Variants in HDHD2 observed in about 807,000 individuals in gnomAD.
HDHD2 encodes the protein haloacid dehalogenase-like hydrolase domain-containing protein 2.
HDHD2 carries 26 observed loss-of-function variants against 24.8 expected under a neutral mutation model. The observed-to-expected ratio is 1.05, with a 90% CI of 0.77 to 1.45. The LOEUF (loss-of-function observed/expected upper bound fraction) is 1.45. Among genes scored for constraint, HDHD2 ranks in the 40% most tolerant of loss-of-function variants. The pLI, the probability that HDHD2 is intolerant of heterozygous loss-of-function variation, is 0.00. For synonymous variants in HDHD2, 128 were observed against 114.9 expected, an observed-to-expected ratio of 1.11 and a Z score of -0.73; for missense variants, 299 against 313.4, an observed-to-expected ratio of 0.95 and a Z score of 0.35.
chr18:47,136,307 T>C (rs373967395), intron 2 of HDHD2, 32 bp downstream of exon 2: 3 of 1,612,754 alleles, frequency 1.9e-6, no homozygotes, highest in Non-Finnish European at 2.5e-6. Flanking sequence ...CTTACAAACA[T>C]ATTTGTCAGC....
chr18:47,110,216 T>A, intron 6 of HDHD2: 2 of 985,450 alleles, frequency 2.0e-6, no homozygotes, highest in Non-Finnish European at 1.2e-6. Context: ...TTCCACATCT[T>A]TGCATCATGG....
At chr18:47,145,225 T>C (rs982771790) in intron 1 of HDHD2, among the ~76,000 whole-genome samples, 3 of 152,226 alleles carry the variant, frequency 2.0e-5, no homozygotes, top group Non-Finnish European at 4.4e-5. Flanking sequence ...GCAACTCCAA[T>C]CAATATCCCA....
intron 4 of HDHD2, among the ~76,000 whole-genome samples, chr18:47,125,258 G>A (rs1290650939): frequency 6.6e-6 from 1 of 152,122 alleles, no homozygotes; most frequent in Non-Finnish European, 1.5e-5. Flanking sequence ...AGAGAATATA[G>A]AGCATTGGAA....
chr18:47,131,534 C>A (rs1164600092), intron 3 of HDHD2, among the ~76,000 whole-genome samples: 1 of 152,146 alleles, frequency 6.6e-6, no homozygotes, highest in Non-Finnish European at 1.5e-5. Context: ...ACAGTCTGAG[C>A]ACTGGGTTGT....
chr18:47,135,869 T>C (rs576193485), intron 2 of HDHD2, among the ~76,000 whole-genome samples: 146 of 152,256 alleles, frequency 9.6e-4, no homozygotes, highest in African/African-American at 3.5e-3. Flanking sequence ...TTTAAAAGTG[T>C]TTAGTTGATG....
chr18:47,127,483 C>T (rs1034923480), intron 4 of HDHD2, among the ~76,000 whole-genome samples: 12 of 151,942 alleles, frequency 7.9e-5, no homozygotes, highest in South Asian at 2.1e-4. Flanking sequence ...AACTTTTCCA[C>T]GATGAGGATA....
At chr18:47,115,627 A>G (rs1322340862) in intron 4 of HDHD2, among the ~76,000 whole-genome samples, 2 of 152,222 alleles carry the variant, frequency 1.3e-5, no homozygotes, top group Non-Finnish European at 2.9e-5. Flanking sequence ...CCAGGGAAAG[A>G]GAATTAAGAG....
At chr18:47,137,339 C>A in intron 1 of HDHD2, 1 of 368,898 alleles carries the variant, frequency 2.7e-6, no homozygotes, top group South Asian at 2.6e-5. Context: ...GAATTCTGTT[C>A]TTACAGACCA....
At chr18:47,130,655 T>C (rs939769656) in intron 3 of HDHD2, among the ~76,000 whole-genome samples, 1 of 152,160 alleles carries the variant, frequency 6.6e-6, no homozygotes, top group Non-Finnish European at 1.5e-5. Flanking sequence ...ATTTCTAACT[T>C]CAAAATGCTT....
intron 1 of HDHD2, among the ~76,000 whole-genome samples, chr18:47,142,108 T>C (rs1278770310): frequency 6.6e-6 from 1 of 152,202 alleles, no homozygotes; most frequent in South Asian, 2.1e-4. Context: ...ATTAAACATC[T>C]TTCCTGTATA....
At chr18:47,119,096 C>T (rs1315676300) in intron 4 of HDHD2, among the ~76,000 whole-genome samples, 1 of 152,174 alleles carries the variant, frequency 6.6e-6, no homozygotes, top group Non-Finnish European at 1.5e-5. Flanking sequence ...TCATCTGAGC[C>T]TTCAGGGAGT....
At chr18:47,124,112 A>G (rs1317789315) in intron 4 of HDHD2, among the ~76,000 whole-genome samples, 1 of 152,250 alleles carries the variant, frequency 6.6e-6, no homozygotes, top group Non-Finnish European at 1.5e-5. Context: ...CTGAGTATAC[A>G]CAGATAAAAA....
rs578015289 is a variant in HDHD2 at position 47,129,094 on chromosome 18, G to C, written c.395+1150C>G. ...AAGCTAGTCCAATATGCAATATTTT[G>C]AACTATATACTTGACATACATCCAA... On this transcript the variant is annotated intron_variant, in intron 4 of 6. Coordinates refer to ENST00000300605, the MANE Select transcript of HDHD2 (RefSeq NM_032124.5). Among the ~76,000 whole-genome samples the C allele has an allele frequency of 5.9e-5, 9 of 151,806 alleles. No homozygotes were observed. In the South Asian group the frequency reaches 1.9e-3, roughly 32 times the overall value.
At chr18:47,131,874 G>A (rs942008820) in intron 3 of HDHD2, among the ~76,000 whole-genome samples, 1 of 152,142 alleles carries the variant, frequency 6.6e-6, no homozygotes, top group Non-Finnish European at 1.5e-5. Flanking sequence ...GTACTTTAAA[G>A]TCATTTGAAG....
intron 4 of HDHD2, among the ~76,000 whole-genome samples, chr18:47,123,042 G>A (rs2063622133): frequency 6.6e-6 from 1 of 152,092 alleles, no homozygotes; most frequent in Admixed American, 6.5e-5. Context: ...TATTAGGAGT[G>A]CACTAGGAGT....
chr18:47,124,031 T>C (rs1335844370), intron 4 of HDHD2, among the ~76,000 whole-genome samples: 1 of 152,232 alleles, frequency 6.6e-6, no homozygotes, highest in Non-Finnish European at 1.5e-5. Context: ...AGTCACTTGA[T>C]TTACGTCAAA....
chr18:47,126,815 C>T (rs2144326681), intron 4 of HDHD2, among the ~76,000 whole-genome samples: 1 of 152,112 alleles, frequency 6.6e-6, no homozygotes, highest in Non-Finnish European at 1.5e-5. Context: ...ATAAAGAAAG[C>T]ATAAATACTG....
At chr18:47,121,851 A>G (rs369707916) in intron 4 of HDHD2, among the ~76,000 whole-genome samples, 72 of 152,226 alleles carry the variant, frequency 4.7e-4, no homozygotes, top group African/African-American at 1.6e-3. Flanking sequence ...TCCTCCTGAA[A>G]TGGTTCCCCA....
chr18:47,109,899 G>T, intron 6 of HDHD2: 2 of 821,566 alleles, frequency 2.4e-6, no homozygotes, highest in Non-Finnish European at 2.9e-6. Context: ...TGTATTCCAA[G>T]TACCTAACAT....
Sources: allele counts gnomAD v4.1 joint callset (sites outside exome capture counted in the v4.1 genomes callset), GRCh38; gene constraint gnomAD v4.1.1; transcripts MANE v1.5; gene names NCBI Gene and HGNC (gene_info 2026-07-23, HGNC 2026-07-21).